KIR3DL1: variants seen among roughly 807,000 people sequenced by gnomAD.
KIR3DL1 encodes killer cell immunoglobulin like receptor, three Ig domains and long cytoplasmic tail 1.
Under a neutral mutation model 40.3 loss-of-function variants are expected in KIR3DL1, and 50 were observed. That is an observed-to-expected ratio of 1.24 (90% CI 0.99 to 1.57). The LOEUF (loss-of-function observed/expected upper bound fraction) is 1.57, where lower values mean the gene tolerates loss of function less well. KIR3DL1 is among the 40% of genes most tolerant of loss of function. KIR3DL1 has a pLI of 0.00. For synonymous variants in KIR3DL1, 257 were observed against 207.2 expected (o/e 1.24, Z -2.07); for missense variants, 661 against 559.9 (o/e 1.18, Z -1.82).
exon 4 of KIR3DL1, chr19:54,819,950 C>G (rs1601333649): frequency 6.2e-7 from 1 of 1,611,946 alleles, no homozygotes; most frequent in Non-Finnish European, 8.5e-7. Context: ...TGCTACGGTT[C>G]TGTTACTCAC....
intron 2 of KIR3DL1, among the ~76,000 whole-genome samples, chr19:54,818,100 A>T (rs1186621932): frequency 3.9e-5 from 4 of 103,772 alleles, no homozygotes; most frequent in Non-Finnish European, 7.4e-5. Context: ...AAAATCTAGT[A>T]AGAGTTGCTT....
exon 3 of KIR3DL1, chr19:54,818,598 A>C (rs1324415611): frequency 6.2e-7 from 1 of 1,608,426 alleles, no homozygotes; most frequent in Non-Finnish European, 8.5e-7. Context: ...TCATGGTCAC[A>C]GGTCAGAGGC....
exon 5 of KIR3DL1, chr19:54,821,806 C>G: frequency 3.1e-6 from 5 of 1,605,506 alleles, no homozygotes; most frequent in African/African-American, 1.3e-5. Flanking sequence ...CTTTCCGTCA[C>G]TCTCCCTACG....
intron 6 of KIR3DL1, among the ~76,000 whole-genome samples, chr19:54,826,504 G>C (rs1490414622): frequency 1.1e-5 from 1 of 88,864 alleles, no homozygotes; most frequent in African/African-American, 4.0e-5. Context: ...ATTTTTTGTA[G>C]AGAGGATGTT....
chr19:54,819,978 A>G (rs1258599310), exon 4 of KIR3DL1: 12 of 1,611,226 alleles, frequency 7.4e-6, no homozygotes, highest in Non-Finnish European at 1.0e-5. Context: ...ATCAGTTGTC[A>G]GCTCCCAGTG....
chr19:54,821,579 C>A lies in KIR3DL1; in HGVS notation c.670C>A (p.Pro224Thr), dbSNP rs369207400. 2.9e-5 allele frequency: 47 copies of A among 1,606,616 alleles called. 3 individuals carry two copies. The highest frequency in any genetic ancestry group is 3.0e-5 in the Non-Finnish European group (35 of 1,176,322). ...TCTCCTTCCAGGTCCATATGAGAAACCTTCTCTCTCAGCCCAGCCGGGCCC... is the reference window on the plus strand; with the variant it reads ...TCTCCTTCCAGGTCCATATGAGAAAACTTCTCTCTCAGCCCAGCCGGGCCC... Residue 224 changes from proline to threonine, a missense_variant, in exon 5 of 9, where the codon CCT becomes ACT. Physicochemically the swap from Pro to Thr is conservative, Grantham distance 38. Around this residue, in one of 3 missense-constraint regions of KIR3DL1, gnomAD observed 548 missense variants for 413.3 expected, o/e 1.33. Transcript: ENST00000391728.
chr19:54,828,075 C>G (rs1374925826), intron 6 of KIR3DL1, among the ~76,000 whole-genome samples: 1 of 150,426 alleles, frequency 6.6e-6, no homozygotes, highest in African/African-American at 2.5e-5. Context: ...AATAGATAGT[C>G]GAGGGGGTGG....
Position 54,830,055 on chromosome 19 carries a change from C to T in KIR3DL1, c.1159-44C>T, listed in dbSNP as rs778691168. ...CCTGGAAAACGTGAGCACCCTCCCT[C>T]ACTCAGCATTTCCCTCCCTCACTCA... is the stretch of plus-strand genomic sequence containing the variant. On this transcript the variant is annotated intron_variant, in intron 8 of 8. Transcript: ENST00000391728. The T allele has an allele frequency of 1.2e-5, 19 of 1,520,758 alleles. 1 individual carries two copies. Among genetic ancestry groups the T allele is most frequent in the East Asian group, 2.3e-5 (1 of 42,562 alleles). The allele number at this position is 1,520,758 out of a possible 1,614,324, so 94.2% of individuals were successfully genotyped here.
At chr19:54,821,270 G>C (rs1418253635) in intron 4 of KIR3DL1, among the ~76,000 whole-genome samples, 6 of 147,210 alleles carry the variant, frequency 4.1e-5, no homozygotes, top group Non-Finnish European at 7.5e-5. Flanking sequence ...CAGAAAGTGA[G>C]AGACTCAAAA....
At chr19:54,818,211 G>A (rs2061445754) in intron 2 of KIR3DL1, 104 bp from the exon 3 acceptor site, 2 of 1,291,672 alleles carry the variant, frequency 1.5e-6, no homozygotes, top group Non-Finnish European at 2.1e-6. Flanking sequence ...ACCCAGGTGT[G>A]GTAGGAGCCT....
chr19:54,827,445 C>G (rs2061962564), intron 6 of KIR3DL1, among the ~76,000 whole-genome samples: 3 of 144,676 alleles, frequency 2.1e-5, no homozygotes, highest in South Asian at 2.4e-4. Context: ...AACCCTATCT[C>G]TCCTAAAAAT....
chr19:54,826,016 C>A (rs2061868775), intron 6 of KIR3DL1, among the ~76,000 whole-genome samples: 1 of 151,280 alleles, frequency 6.6e-6, no homozygotes, highest in Admixed American at 6.6e-5. Context: ...GGAAATCATT[C>A]AGGATACCCT....
chr19:54,827,536 A>G (rs958600142), intron 6 of KIR3DL1, among the ~76,000 whole-genome samples: 3 of 150,564 alleles, frequency 2.0e-5, no homozygotes, highest in Non-Finnish European at 2.9e-5. Context: ...AATGACTTCA[A>G]CCCAGGAGGT....
chr19:54,819,832 G>C (rs652641), exon 4 of KIR3DL1: 2 of 1,611,624 alleles, frequency 1.2e-6, no homozygotes, highest in African/African-American at 2.7e-5. Context: ...GCACAAAGAG[G>C]GGATCTCTAA....
Position 54,822,931 on chromosome 19 carries a change from TG to T in KIR3DL1, c.949+1075del, listed in dbSNP as rs1020830982. Reference sequence around the variant, plus strand: ...ACATCTTGGCTACTGTGAACAGTGCTGGAACAGTCATATGAGTGCAGATATC... The same window carrying T: ...ACATCTTGGCTACTGTGAACAGTGCTGAACAGTCATATGAGTGCAGATATC... On this transcript the variant is annotated intron_variant, in intron 5 of 8. Coordinates refer to ENST00000391728, the Ensembl canonical transcript of KIR3DL1. Among the ~76,000 whole-genome samples the T allele has an allele frequency of 4.1e-5, 6 of 148,036 alleles. 1 individual carries two copies. Among genetic ancestry groups the T allele is most frequent in the African/African-American group, 1.5e-4 (6 of 39,756 alleles).
intron 4 of KIR3DL1, among the ~76,000 whole-genome samples, chr19:54,820,767 G>GC (rs2061592779): frequency 6.6e-6 from 1 of 150,992 alleles, no homozygotes. Flanking sequence ...GGAGAGAAAA[G>GC]CCCCAAAATC....
chr19:54,828,114 G>A (rs2062003823), intron 6 of KIR3DL1, among the ~76,000 whole-genome samples: 1 of 150,804 alleles, frequency 6.6e-6, no homozygotes, highest in African/African-American at 2.5e-5. Context: ...AGGTAGAACA[G>A]CAGCCTAACA....
In KIR3DL1 at chr19:54,821,919, C is replaced by T; in HGVS notation, c.949+61C>T. ...TCCTAAATCCTTAGCTAAGGAGCTT[C>T]CTGCTGATGATGGAGAAAAGCATGG... On this transcript the variant is annotated intron_variant, in intron 5 of 8. Coordinates refer to ENST00000391728, the Ensembl canonical transcript of KIR3DL1. 2.6e-6 allele frequency: 4 copies of T among 1,535,050 alleles called. No individual in the cohort carries two copies. The South Asian group carries it at 3.4e-5, about 13-fold the overall frequency.
intron 3 of KIR3DL1, 78 bp downstream of exon 3, chr19:54,818,677 G>T: frequency 1.9e-6 from 3 of 1,539,400 alleles, no homozygotes; most frequent in Non-Finnish European, 2.6e-6. Flanking sequence ...GTCCGTCAGG[G>T]TCCCATCACC....
Sources: gnomAD v4.1 joint callset for allele counts (sites outside exome capture counted in the v4.1 genomes callset) on GRCh38, gnomAD v4.1.1 for gene constraint, gnomAD v4.1.1 regional missense constraint, MANE v1.5 for transcripts, NCBI Gene and HGNC (gene_info 2026-07-23, HGNC 2026-07-21) for gene names.